ROBO2: variants seen among roughly 807,000 people sequenced by gnomAD.
The protein encoded by ROBO2 is roundabout homolog 2.
ROBO2 carries 53 observed loss-of-function variants against 160.8 expected under a neutral mutation model. The observed-to-expected ratio is 0.33, with a 90% CI of 0.26 to 0.41. The LOEUF is 0.41. ROBO2 is among the 10% of genes least tolerant of loss of function. The pLI is 1.00. For missense variants in ROBO2, 1,577 were observed against 1,722.4 expected (o/e 0.92, Z 1.49); for synonymous variants, 664 against 611.7 (o/e 1.09, Z -1.26).
intron 2 of ROBO2, among the ~76,000 whole-genome samples, chr3:77,172,323 T>C (rs2079718003): frequency 6.6e-6 from 1 of 152,192 alleles, no homozygotes; most frequent in African/African-American, 2.4e-5. Flanking sequence ...ATGTTGGTTA[T>C]CTCCTATCTG....
Position 77,112,434 on chromosome 3 carries a change from G to A in ROBO2, c.388+14094G>A, listed in dbSNP as rs2150191043. 2.0e-5 allele frequency among the ~76,000 whole-genome samples: 3 copies of A among 151,962 alleles called. No homozygotes were observed. In the South Asian group the frequency reaches 6.2e-4, roughly 32 times the overall value. On this transcript the variant is annotated intron_variant, in intron 2 of 25. Coordinates refer to ENST00000461745, the Ensembl canonical transcript of ROBO2. The stretch of plus-strand genomic sequence containing the variant: ...AATTTTTGTATTTTTAGTGGAGACG[G>A]GGTTTCACCAGGTTAGCCAGGCTGG...
intron 2 of ROBO2, among the ~76,000 whole-genome samples, chr3:76,194,808 C>T (rs538456199): frequency 2.6e-5 from 4 of 152,130 alleles, no homozygotes; most frequent in East Asian, 3.9e-4. Context: ...TTAGTAGAGA[C>T]GGGGTTTCAC....
intron 2 of ROBO2, among the ~76,000 whole-genome samples, chr3:76,339,311 A>C (rs555722879): frequency 6.6e-6 from 1 of 152,282 alleles, no homozygotes; most frequent in African/African-American, 2.4e-5. Context: ...TTGTGTCTCA[A>C]ATATTTGCTG....
chr3:77,192,020 G>A (rs1188799242), intron 2 of ROBO2, among the ~76,000 whole-genome samples: 1 of 152,134 alleles, frequency 6.6e-6, no homozygotes, highest in African/African-American at 2.4e-5. Context: ...TTGTGGGAAT[G>A]AGTAGTAATG....
intron 2 of ROBO2, among the ~76,000 whole-genome samples, chr3:77,364,291 G>A (rs1309142044): frequency 2.0e-5 from 3 of 151,876 alleles, no homozygotes; most frequent in Non-Finnish European, 4.4e-5. Context: ...ATCTAGTGTG[G>A]TGCCTCCCAG....
At chr3:76,792,185 T>G (rs1481950569) in intron 2 of ROBO2, among the ~76,000 whole-genome samples, 2 of 151,928 alleles carry the variant, frequency 1.3e-5, no homozygotes, top group East Asian at 3.9e-4. Flanking sequence ...GCTTCTAAAA[T>G]GTGGCTCAAT....
intron 2 of ROBO2, among the ~76,000 whole-genome samples, chr3:76,863,854 A>G (rs1377824487): frequency 6.6e-6 from 1 of 152,118 alleles, no homozygotes; most frequent in African/African-American, 2.4e-5. Flanking sequence ...CTAAATTTAA[A>G]GCAGGTAATT....
chr3:76,134,353 C>T (rs1185638265), intron 2 of ROBO2, among the ~76,000 whole-genome samples: 1 of 152,020 alleles, frequency 6.6e-6, no homozygotes, highest in Non-Finnish European at 1.5e-5. Context: ...CTCAGTGAGT[C>T]ACCTGCTTGT....
At chr3:77,022,678 T>G (rs2062712158) in intron 2 of ROBO2, among the ~76,000 whole-genome samples, 1 of 152,170 alleles carries the variant, frequency 6.6e-6, no homozygotes, top group Non-Finnish European at 1.5e-5. Flanking sequence ...TTAACATGTC[T>G]TTTTCATAGG....
intron 2 of ROBO2, among the ~76,000 whole-genome samples, chr3:76,552,173 G>T (rs1344466677): frequency 6.6e-6 from 1 of 152,260 alleles, no homozygotes; most frequent in South Asian, 2.1e-4. Context: ...TAAGTAATCT[G>T]GAGATGATTT....
chr3:77,625,612 G>A (rs777925953), intron 23 of ROBO2, among the ~76,000 whole-genome samples: 2 of 152,020 alleles, frequency 1.3e-5, no homozygotes, highest in African/African-American at 4.8e-5. Context: ...TCTTGACCTC[G>A]TGATCCATCT....
At chr3:77,118,209 C>G (rs2074392128) in intron 2 of ROBO2, among the ~76,000 whole-genome samples, 2 of 152,098 alleles carry the variant, frequency 1.3e-5, no homozygotes, top group Admixed American at 1.3e-4. Context: ...ATTTAATTAA[C>G]CCATCTCTCC....
intron 2 of ROBO2, among the ~76,000 whole-genome samples, chr3:75,995,767 C>G (rs1192825654): frequency 6.6e-6 from 1 of 152,190 alleles, no homozygotes; most frequent in African/African-American, 2.4e-5. Flanking sequence ...CCTGAAAAGC[C>G]TCATGGGCAG....
chr3:77,395,747 A>G (rs375791110), intron 2 of ROBO2, among the ~76,000 whole-genome samples: 22 of 152,104 alleles, frequency 1.4e-4, no homozygotes, highest in East Asian at 9.6e-4. Context: ...TTATTACCAG[A>G]ATTTTTAAGG....
At chr3:77,228,721 A>G (rs1560290420) in intron 2 of ROBO2, among the ~76,000 whole-genome samples, 1 of 152,080 alleles carries the variant, frequency 6.6e-6, no homozygotes, top group Non-Finnish European at 1.5e-5. Context: ...CATGTATCCC[A>G]GAACTTAAGT....
chr3:77,108,362 T>C (rs1213359268), intron 2 of ROBO2, among the ~76,000 whole-genome samples: 1 of 151,558 alleles, frequency 6.6e-6, no homozygotes, highest in Non-Finnish European at 1.5e-5. Context: ...ATATTAGAGA[T>C]GTGATCCCAC....
intron 2 of ROBO2, among the ~76,000 whole-genome samples, chr3:76,458,539 C>T (rs1417725049): frequency 6.6e-6 from 1 of 152,162 alleles, no homozygotes; most frequent in African/African-American, 2.4e-5. Flanking sequence ...CCAACCTCTG[C>T]CTGTTACCCA....
At chr3:76,227,792 C>T (rs1328591518) in intron 2 of ROBO2, among the ~76,000 whole-genome samples, 2 of 152,090 alleles carry the variant, frequency 1.3e-5, no homozygotes, top group African/African-American at 2.4e-5. Context: ...TTAACACATC[C>T]GCTGGGGATT....
intron 2 of ROBO2, among the ~76,000 whole-genome samples, chr3:77,196,803 T>G (rs1442583811): frequency 1.3e-5 from 2 of 152,058 alleles, no homozygotes; most frequent in Non-Finnish European, 1.5e-5. Context: ...ATTTCCTGCT[T>G]ACACCTGATT....
Sources: allele counts gnomAD v4.1 joint callset (sites outside exome capture counted in the v4.1 genomes callset), GRCh38; gene constraint gnomAD v4.1.1; transcripts MANE v1.5; gene names NCBI Gene and HGNC (gene_info 2026-07-23, HGNC 2026-07-21).